CDH8: variants seen among roughly 807,000 people sequenced by gnomAD.
CDH8 encodes cadherin-8.
CDH8 carries 17 observed loss-of-function variants against 68.1 expected under a neutral mutation model. The ratio of observed to expected loss-of-function variants is 0.25; its 90% CI spans 0.17 to 0.37. CDH8 has a LOEUF of 0.37. CDH8 is among the 10% of genes least tolerant of loss of function. The pLI, the probability that CDH8 is intolerant of heterozygous loss-of-function variation, is 1.00. For missense variants in CDH8, 763 were observed against 999.3 expected, an observed-to-expected ratio of 0.76 and a Z score of 3.19; for synonymous variants, 372 against 365.1, an observed-to-expected ratio of 1.02 and a Z score of -0.21.
intron 4 of CDH8, among the ~76,000 whole-genome samples, chr16:61,828,973 G>A (rs1962399040): frequency 6.6e-6 from 1 of 151,784 alleles, no homozygotes; most frequent in Non-Finnish European, 1.5e-5. Context: ...GTTGATGGTG[G>A]CTAGAGTACA....
chr16:61,977,072 C>T (rs916975094), intron 2 of CDH8, among the ~76,000 whole-genome samples: 3 of 152,050 alleles, frequency 2.0e-5, no homozygotes, highest in Admixed American at 2.0e-4. Context: ...AATATAGGCA[C>T]CATCTGTCAA....
chr16:61,702,497 T>C (rs1283431957), intron 10 of CDH8, among the ~76,000 whole-genome samples: 2 of 152,198 alleles, frequency 1.3e-5, no homozygotes, highest in Admixed American at 6.5e-5. Context: ...TCAAAAATAA[T>C]GATTGATATA....
At chr16:61,792,242 T>C (rs535157598) in intron 7 of CDH8, among the ~76,000 whole-genome samples, 1 of 152,138 alleles carries the variant, frequency 6.6e-6, no homozygotes, top group South Asian at 2.1e-4. Context: ...ATTTATAAAA[T>C]AGTCTATAAA....
intron 9 of CDH8, among the ~76,000 whole-genome samples, chr16:61,719,436 C>CATTCCAACAATTCCAAACA (rs1959201270): frequency 1.3e-5 from 2 of 150,976 alleles, no homozygotes; most frequent in South Asian, 4.2e-4. Flanking sequence ...TGCGTCTATA[C>CATTCCAACAATTCCAAACA]AAAGTTTGGA....
chr16:61,773,831 T>G (rs796696432), intron 8 of CDH8, among the ~76,000 whole-genome samples: 6 of 152,178 alleles, frequency 3.9e-5, no homozygotes, highest in African/African-American at 1.2e-4. Flanking sequence ...ATATGTGAGG[T>G]GAGTCCTTGT....
chr16:61,683,553 G>T (rs1025637110), intron 10 of CDH8, among the ~76,000 whole-genome samples: 2 of 151,986 alleles, frequency 1.3e-5, no homozygotes, highest in African/African-American at 4.8e-5. Context: ...CCTGTTGAAA[G>T]AGGTAGGTCC....
At chr16:61,704,347 T>G (rs1367912542) in intron 10 of CDH8, among the ~76,000 whole-genome samples, 1 of 152,222 alleles carries the variant, frequency 6.6e-6, no homozygotes, top group Non-Finnish European at 1.5e-5. Context: ...TGTCATATGT[T>G]TATTGAGTTA....
At chr16:61,663,884 G>A (rs1208108334) in intron 10 of CDH8, among the ~76,000 whole-genome samples, 1 of 152,032 alleles carries the variant, frequency 6.6e-6, no homozygotes, top group Non-Finnish European at 1.5e-5. Flanking sequence ...GTGTGTATGT[G>A]TGTCTTGAGG....
At chr16:61,880,067 A>T (rs1002897844) in intron 3 of CDH8, among the ~76,000 whole-genome samples, 1 of 151,948 alleles carries the variant, frequency 6.6e-6, no homozygotes. Flanking sequence ...CTGGGACTAC[A>T]GGCGCCCACC....
At chr16:61,825,998 T>G (rs1962323794) in intron 4 of CDH8, among the ~76,000 whole-genome samples, 1 of 151,886 alleles carries the variant, frequency 6.6e-6, no homozygotes, top group African/African-American at 2.4e-5. Context: ...TCCTGAAGTT[T>G]ATTTTGAAAA....
At chr16:61,942,933 G>A (rs1964746253) in intron 2 of CDH8, among the ~76,000 whole-genome samples, 1 of 152,074 alleles carries the variant, frequency 6.6e-6, no homozygotes, top group African/African-American at 2.4e-5. Flanking sequence ...AGTGGTCCAT[G>A]CCTGTAGTCC....
intron 10 of CDH8, among the ~76,000 whole-genome samples, chr16:61,657,914 C>T (rs551028172): frequency 1.3e-5 from 2 of 152,194 alleles, no homozygotes; most frequent in East Asian, 3.9e-4. Context: ...ACACTAAATT[C>T]ATACTTCTAT....
chr16:61,986,304 T>C (rs1161945219), intron 2 of CDH8, among the ~76,000 whole-genome samples: 1 of 152,172 alleles, frequency 6.6e-6, no homozygotes, highest in Non-Finnish European at 1.5e-5. Context: ...ACGTAGAAAA[T>C]GCATAGTAGA....
intron 2 of CDH8, among the ~76,000 whole-genome samples, chr16:61,995,008 G>A (rs1017082270): frequency 7.9e-5 from 12 of 152,086 alleles, no homozygotes; most frequent in African/African-American, 2.7e-4. Flanking sequence ...TCTAAGTCCC[G>A]GGGAGATTAA....
intron 8 of CDH8, among the ~76,000 whole-genome samples, chr16:61,766,017 T>G (rs11075438): frequency 0.044 from 6,713 of 151,980 alleles, 414 homozygotes; most frequent in East Asian, 0.24. Flanking sequence ...TAGCTTTAGG[T>G]TTACAGGTGG....
chr16:61,979,584 C>A (rs1965496774), intron 2 of CDH8, among the ~76,000 whole-genome samples: 1 of 151,898 alleles, frequency 6.6e-6, no homozygotes, highest in Admixed American at 6.6e-5. Context: ...GGGTAAAAAA[C>A]CTTTGTGCCA....
intron 4 of CDH8, among the ~76,000 whole-genome samples, chr16:61,842,360 T>C (rs1436782982): frequency 2.0e-5 from 3 of 152,016 alleles, no homozygotes; most frequent in African/African-American, 7.2e-5. Flanking sequence ...ATCACAGGAA[T>C]TGGTTGTTTA....
chr16:62,017,106 A>C (rs375234510), intron 2 of CDH8, among the ~76,000 whole-genome samples: 1 of 152,162 alleles, frequency 6.6e-6, no homozygotes, highest in African/African-American at 2.4e-5. Context: ...TAGGTAAATT[A>C]TTCATTTATT....
chr16:61,677,190 A>G (rs1413972171), intron 10 of CDH8, among the ~76,000 whole-genome samples: 1 of 150,526 alleles, frequency 6.6e-6, no homozygotes, highest in Non-Finnish European at 1.5e-5. Flanking sequence ...TATCTGCTGT[A>G]TCTGATTCTG....
Sources: allele counts gnomAD v4.1 joint callset (sites outside exome capture counted in the v4.1 genomes callset), GRCh38; gene constraint gnomAD v4.1.1; transcripts MANE v1.5; gene names NCBI Gene and HGNC (gene_info 2026-07-23, HGNC 2026-07-21).